ETV6: variants seen among roughly 807,000 people sequenced by gnomAD.
ETV6 encodes the protein transcription factor ETV6.
A neutral mutation model predicts 51.1 loss-of-function variants in ETV6; 16 were observed. The ratio of observed to expected loss-of-function variants is 0.31; its 90% CI spans 0.21 to 0.48. The LOEUF is 0.48. ETV6 is among the 20% of genes least tolerant of loss of function. The pLI, the probability that ETV6 is intolerant of heterozygous loss-of-function variation, is 0.99. For missense variants in ETV6, 458 were observed against 594.8 expected, an observed-to-expected ratio of 0.77 and a Z score of 2.39; for synonymous variants, 240 against 224.1, an observed-to-expected ratio of 1.07 and a Z score of -0.64.
intron 2 of ETV6, among the ~76,000 whole-genome samples, chr12:11,760,428 C>G (rs1294766609): frequency 6.6e-6 from 1 of 152,184 alleles, no homozygotes; most frequent in Admixed American, 6.5e-5. Flanking sequence ...CAGGGCTACG[C>G]AGTGAATACC....
rs1274223104 is a variant in ETV6 at position 11,894,489 on chromosome 12, T to C, written c.*3443T>C. 4.3e-6 allele frequency: 1 copy of C among 233,154 alleles called. No individual in the cohort carries two copies. The highest frequency in any genetic ancestry group is 8.5e-6 in the Non-Finnish European group (1 of 118,040). 14.4% of individuals were successfully genotyped at this position (233,154 alleles called of 1,614,324 possible). A position where few individuals can be genotyped will look rare whatever the true frequency, so the allele number is the denominator to read the frequency against. On this transcript the variant is annotated 3_prime_UTR_variant, in exon 8 of 8. Transcript: ENST00000396373. ...CAATGTTCCAAATCCTTTAGGGAGA[T>C]GAGGGTATCCCCACAGAAAAAGAGG...
At chr12:11,800,949 G>T (rs1035109318) in intron 2 of ETV6, among the ~76,000 whole-genome samples, 1 of 152,156 alleles carries the variant, frequency 6.6e-6, no homozygotes, top group African/African-American at 2.4e-5. Context: ...AGAATAGTTT[G>T]CAGCAAACAT....
intron 2 of ETV6, among the ~76,000 whole-genome samples, chr12:11,824,873 T>C (rs1946130595): frequency 6.6e-6 from 1 of 152,244 alleles, no homozygotes; most frequent in African/African-American, 2.4e-5. Context: ...AGCTGCCATT[T>C]ATTTGAATGC....
Position 11,853,672 on chromosome 12 carries a change from A to G in ETV6, c.463+111A>G, listed in dbSNP as rs1591721626. The G allele has an allele frequency of 2.4e-6, 3 of 1,269,004 alleles. No homozygotes were observed. In the East Asian group the frequency reaches 7.0e-5, roughly 30 times the overall value. The allele number at this position is 1,269,004 out of a possible 1,614,324, so 78.6% of individuals were successfully genotyped here. A position where few individuals can be genotyped will look rare whatever the true frequency, so the allele number is the denominator to read the frequency against. On this transcript the variant is annotated intron_variant, in intron 4 of 7. Coordinates refer to ENST00000396373, the MANE Select transcript of ETV6 (RefSeq NM_001987.5). ...CGTGTAAGTTCACTTTTCATTCAGTAGACAATTATTGAGTGCTTACTATGT... is the reference window on the plus strand; with the variant it reads ...CGTGTAAGTTCACTTTTCATTCAGTGGACAATTATTGAGTGCTTACTATGT...
At chr12:11,730,753 C>A (rs750979097) in intron 1 of ETV6, among the ~76,000 whole-genome samples, 2 of 152,176 alleles carry the variant, frequency 1.3e-5, no homozygotes, top group Non-Finnish European at 2.9e-5. Context: ...CAACAATCAA[C>A]CCTTTAGAGC....
chr12:11,653,903 C>T (rs1250138647), intron 1 of ETV6, among the ~76,000 whole-genome samples: 1 of 152,044 alleles, frequency 6.6e-6, no homozygotes, highest in African/African-American at 2.4e-5. Context: ...ACCTCTACCT[C>T]CTAGGTTCAA....
chr12:11,883,406 G>A (rs1308391956), intron 5 of ETV6, among the ~76,000 whole-genome samples: 1 of 148,096 alleles, frequency 6.8e-6, no homozygotes, highest in African/African-American at 2.5e-5. Context: ...CGATTCTCCT[G>A]CCTCAGTGTC....
intron 1 of ETV6, among the ~76,000 whole-genome samples, chr12:11,696,849 T>G (rs1041659372): frequency 6.6e-6 from 1 of 152,092 alleles, no homozygotes; most frequent in Non-Finnish European, 1.5e-5. Flanking sequence ...AATAAGTTCC[T>G]TATTATAATT....
intron 1 of ETV6, among the ~76,000 whole-genome samples, chr12:11,739,061 G>A (rs554279071): frequency 5.3e-5 from 8 of 152,044 alleles, no homozygotes; most frequent in South Asian, 4.2e-4. Flanking sequence ...AAATTTGTTA[G>A]GTAATTTTTA....
chr12:11,862,061 G>A (rs186016506), intron 4 of ETV6, among the ~76,000 whole-genome samples: 27 of 152,320 alleles, frequency 1.8e-4, no homozygotes, highest in Middle Eastern at 3.4e-3. Context: ...AAGGTGGCCT[G>A]TTTGAAAGCA....
intron 1 of ETV6, among the ~76,000 whole-genome samples, chr12:11,710,856 T>C (rs1397713557): frequency 6.6e-6 from 1 of 152,164 alleles, no homozygotes; most frequent in Admixed American, 6.5e-5. Flanking sequence ...ATGGTTAGTG[T>C]AGGGTCATGA....
At position 11,893,799 on chromosome 12, in the gene ETV6, TATA is replaced by T. The variant is rs1947338954; in HGVS notation, c.*2754_*2756del. On this transcript the variant is annotated 3_prime_UTR_variant, in exon 8 of 8. Transcript: ENST00000396373. ...CATCCCCAAGATCTCTCATTTTATA[TATA>T]TATATATATATATATATATATATAT... 3 of 7,100 alleles carry T rather than the reference TATA, an allele frequency of 4.2e-4. No homozygotes were observed. The highest frequency in any genetic ancestry group is 7.2e-4 in the Non-Finnish European group (2 of 2,762). 0.4% of individuals were successfully genotyped at this position (7,100 alleles called of 1,614,324 possible).
intron 2 of ETV6, among the ~76,000 whole-genome samples, chr12:11,824,704 G>A (rs918046983): frequency 3.3e-5 from 5 of 152,124 alleles, no homozygotes; most frequent in Non-Finnish European, 5.9e-5. Flanking sequence ...CCCTGGAGGC[G>A]GAAGTTGCTG....
intron 3 of ETV6, among the ~76,000 whole-genome samples, chr12:11,848,622 G>A (rs780380135): frequency 1.8e-4 from 27 of 152,210 alleles, no homozygotes; most frequent in African/African-American, 5.8e-4. Flanking sequence ...GTGTGTGTGC[G>A]CACGCGCGTG....
chr12:11,755,580 G>A (rs1276503141), intron 2 of ETV6, among the ~76,000 whole-genome samples: 2 of 152,140 alleles, frequency 1.3e-5, no homozygotes, highest in Admixed American at 6.5e-5. Context: ...TTTGAGAGGA[G>A]CATATAGCCC....
At chr12:11,701,497 T>A (rs1488995674) in intron 1 of ETV6, among the ~76,000 whole-genome samples, 1 of 152,222 alleles carries the variant, frequency 6.6e-6, no homozygotes, top group Non-Finnish European at 1.5e-5. Flanking sequence ...CTCAAGAGTT[T>A]AAGTGTTTTT....
At chr12:11,848,985 C>T (rs1162560910) in intron 3 of ETV6, among the ~76,000 whole-genome samples, 1 of 152,062 alleles carries the variant, frequency 6.6e-6, no homozygotes, top group Non-Finnish European at 1.5e-5. Flanking sequence ...TGAAAAATGC[C>T]CTTTGAATTT....
At chr12:11,781,814 G>A (rs1945418726) in intron 2 of ETV6, among the ~76,000 whole-genome samples, 5 of 152,016 alleles carry the variant, frequency 3.3e-5, no homozygotes, top group Admixed American at 3.3e-4. Context: ...CTACTTTATG[G>A]CTTCTATATT....
chr12:11,784,045 G>A (rs1365987571), intron 2 of ETV6, among the ~76,000 whole-genome samples: 1 of 152,180 alleles, frequency 6.6e-6, no homozygotes, highest in Non-Finnish European at 1.5e-5. Flanking sequence ...GCTCAACACC[G>A]TAGTGTAGGA....
Sources: allele counts gnomAD v4.1 joint callset (sites outside exome capture counted in the v4.1 genomes callset), GRCh38; gene constraint gnomAD v4.1.1; transcripts MANE v1.5; gene names NCBI Gene and HGNC (gene_info 2026-07-23, HGNC 2026-07-21).